Variants in CACNA1E observed in about 807,000 individuals in gnomAD.
The protein encoded by CACNA1E is voltage-dependent R-type calcium channel subunit alpha-1E.
In CACNA1E, 40 loss-of-function variants were observed where a neutral mutation model predicts 259.2. The observed-to-expected ratio is 0.15, with a 90% CI of 0.12 to 0.20. The LOEUF is 0.20. Among genes scored for constraint, CACNA1E ranks in the 10% least tolerant of loss-of-function variants. The pLI, the probability that CACNA1E is intolerant of heterozygous loss-of-function variation, is 1.00. For missense variants in CACNA1E, 1,874 were observed against 3,040.1 expected, an observed-to-expected ratio of 0.62 and a Z score of 9.02; for synonymous variants, 1,104 against 1,138.5, an observed-to-expected ratio of 0.97 and a Z score of 0.61.
intron 6 of CACNA1E, among the ~76,000 whole-genome samples, chr1:181,648,841 T>C (rs1658513251): frequency 6.6e-6 from 1 of 152,210 alleles, no homozygotes; most frequent in South Asian, 2.1e-4. Flanking sequence ...AACAAAGTCC[T>C]ATCTGGGTGC....
chr1:181,505,197 G>A (rs1205030190), intron 1 of CACNA1E, among the ~76,000 whole-genome samples: 1 of 152,052 alleles, frequency 6.6e-6, no homozygotes, highest in Non-Finnish European at 1.5e-5. Flanking sequence ...TTCTTTTCAG[G>A]ATACATATAG....
At chr1:181,527,227 G>T (rs959711010) in intron 3 of CACNA1E, among the ~76,000 whole-genome samples, 1 of 152,250 alleles carries the variant, frequency 6.6e-6, no homozygotes, top group East Asian at 1.9e-4. Flanking sequence ...CCTGGCAAAG[G>T]CCCCTTTCCT....
At chr1:181,575,521 C>T (rs1332815919) in intron 3 of CACNA1E, among the ~76,000 whole-genome samples, 1 of 152,076 alleles carries the variant, frequency 6.6e-6, no homozygotes, top group African/African-American at 2.4e-5. Flanking sequence ...TCTTCTTTCC[C>T]TCTACCATTT....
In CACNA1E at chr1:181,758,990, G is replaced by A. The variant is rs186457368; in HGVS notation, c.4605+122G>A. 9.9e-5 allele frequency: 63 copies of A among 633,518 alleles called. No homozygotes were observed. The highest frequency in any genetic ancestry group is 4.4e-4 in the African/African-American group (24 of 54,968). The allele number at this position is 633,518 out of a possible 1,614,324, so 39.2% of individuals were successfully genotyped here. A position where few individuals can be genotyped will look rare whatever the true frequency, so the allele number is the denominator to read the frequency against. On this transcript the variant is annotated intron_variant, in intron 32 of 47. Coordinates refer to ENST00000367573, the MANE Select transcript of CACNA1E (RefSeq NM_001205293.3). The surrounding 1 kb of genome is among the most constrained non-coding windows in gnomAD (Gnocchi z 4.2). ...AAATCACCCACCTAGATGTGGGCTCGTTTTGACTGCTCAGTAAACTGCCGT... is the reference window on the plus strand; with the variant it reads ...AAATCACCCACCTAGATGTGGGCTCATTTTGACTGCTCAGTAAACTGCCGT...
At chr1:181,493,887 T>G (rs1450785911) in intron 1 of CACNA1E, among the ~76,000 whole-genome samples, 1 of 152,232 alleles carries the variant, frequency 6.6e-6, no homozygotes, top group African/African-American at 2.4e-5. Flanking sequence ...TGGCTTGGTA[T>G]GCAGGGCTTC....
chr1:181,541,019 G>A (rs911582004), intron 3 of CACNA1E, among the ~76,000 whole-genome samples: 16 of 152,304 alleles, frequency 1.1e-4, no homozygotes, highest in South Asian at 4.1e-4. Context: ...AGTATAACAT[G>A]AATATTCCCA....
intron 2 of CACNA1E, among the ~76,000 whole-genome samples, chr1:181,459,184 C>G (rs756318140): frequency 2.0e-4 from 31 of 152,216 alleles, no homozygotes; most frequent in Non-Finnish European, 3.7e-4. Context: ...TGGGGAAGAA[C>G]ATTCCTAGTA....
chr1:181,739,474 G>T (rs538990074), intron 25 of CACNA1E, among the ~76,000 whole-genome samples: 4 of 152,166 alleles, frequency 2.6e-5, no homozygotes, highest in Admixed American at 2.0e-4. Flanking sequence ...AGTAGGGAGC[G>T]TCAGGAGGGA....
chr1:181,718,017 C>A (rs192838713), intron 11 of CACNA1E, 38 bp from the exon 12 acceptor site: 1 of 1,024,688 alleles, frequency 9.8e-7, no homozygotes, highest in Non-Finnish European at 1.5e-6. Flanking sequence ...GAGCCCACCC[C>A]ACATGTGGAA....
Position 181,805,909 on chromosome 1 carries a change from T to A in CACNA1E, c.*7075T>A, listed in dbSNP as rs371756316. On this transcript the variant is annotated 3_prime_UTR_variant, in exon 48 of 48. Coordinates refer to ENST00000367573, the MANE Select transcript of CACNA1E (RefSeq NM_001205293.3). The stretch of plus-strand genomic sequence containing the variant: ...GCAAAGTGAGGTAGAAAGTAACAGG[T>A]CCCAGACGAGGACAGACTTAGAGAT... 3.9e-5 allele frequency: 6 copies of A among 152,346 alleles called. No homozygotes were observed. Among genetic ancestry groups the A allele is most frequent in the African/African-American group, 1.4e-4 (6 of 41,562 alleles). 9.4% of individuals were successfully genotyped at this position (152,346 alleles called of 1,614,324 possible).
intron 1 of CACNA1E, among the ~76,000 whole-genome samples, chr1:181,502,214 T>G (rs1454267971): frequency 6.6e-6 from 1 of 152,164 alleles, no homozygotes; most frequent in African/African-American, 2.4e-5. Context: ...GATGTGTGGT[T>G]CACCTTCTGT....
intron 1 of CACNA1E, among the ~76,000 whole-genome samples, chr1:181,492,455 ATGT>A (rs1383450328): frequency 1.3e-5 from 2 of 152,238 alleles, no homozygotes; most frequent in African/African-American, 2.4e-5. Flanking sequence ...AGGAATTGGT[ATGT>A]TGTTCTAGAA....
chr1:181,508,689 G>A (rs1470363172), intron 1 of CACNA1E, among the ~76,000 whole-genome samples: 1 of 152,302 alleles, frequency 6.6e-6, no homozygotes, highest in South Asian at 2.1e-4. Flanking sequence ...CTGTATGTTG[G>A]GGGCCAGTCC....
At chr1:181,368,123 G>C (rs1011442892) in intron 1 of CACNA1E, among the ~76,000 whole-genome samples, 1 of 152,022 alleles carries the variant, frequency 6.6e-6, no homozygotes, top group East Asian at 1.9e-4. Flanking sequence ...CCCAGCTATT[G>C]GTGAGCTAAG....
chr1:181,568,603 C>G (rs1188412700), intron 3 of CACNA1E, among the ~76,000 whole-genome samples: 1 of 151,908 alleles, frequency 6.6e-6, no homozygotes. Context: ...TTCATTCATT[C>G]ATTTATTTTT....
chr1:181,791,579 A>G (rs1369039373), intron 44 of CACNA1E, among the ~76,000 whole-genome samples: 1 of 152,244 alleles, frequency 6.6e-6, no homozygotes, highest in Non-Finnish European at 1.5e-5. Context: ...AAGCTAAAAT[A>G]TGGTTCCTAA....
chr1:181,385,350 T>C (rs1242569325), intron 1 of CACNA1E, among the ~76,000 whole-genome samples: 3 of 152,262 alleles, frequency 2.0e-5, no homozygotes, highest in Non-Finnish European at 4.4e-5. Context: ...CATTGGGTTA[T>C]GATTATGAAC....
intron 1 of CACNA1E, among the ~76,000 whole-genome samples, chr1:181,492,047 A>T (rs1664363641): frequency 6.6e-6 from 1 of 152,194 alleles, no homozygotes; most frequent in African/African-American, 2.4e-5. Context: ...GCTGTAAAAG[A>T]CAAGATTTAG....
chr1:181,391,549 A>T (rs1316218605), intron 1 of CACNA1E, among the ~76,000 whole-genome samples: 1 of 152,066 alleles, frequency 6.6e-6, no homozygotes, highest in East Asian at 1.9e-4. Flanking sequence ...CTGGGGGGGA[A>T]GCTCCGTGGC....
Sources: allele counts gnomAD v4.1 joint callset (sites outside exome capture counted in the v4.1 genomes callset), GRCh38; gene constraint gnomAD v4.1.1; non-coding constraint Gnocchi (gnomAD v3.1); transcripts MANE v1.5; gene names NCBI Gene and HGNC (gene_info 2026-07-23, HGNC 2026-07-21).